Variants in SUGP1 observed in about 807,000 individuals in gnomAD.
SUGP1 encodes SURP and G-patch domain containing 1.
A neutral mutation model predicts 76.5 loss-of-function variants in SUGP1; 34 were observed. The observed-to-expected ratio is 0.44, with a 90% confidence interval of 0.34 to 0.59. The LOEUF (loss-of-function observed/expected upper bound fraction) is 0.59, where lower values mean the gene tolerates loss of function less well. Ranked by LOEUF, SUGP1 falls within the 20% of genes least tolerant of loss-of-function variation. The pLI is 0.01. For synonymous variants in SUGP1, 326 were observed against 326.2 expected, an observed-to-expected ratio of 1.00 and a Z score of 0.01; for missense variants, 752 against 851.7, an observed-to-expected ratio of 0.88 and a Z score of 1.46.
intron 1 of SUGP1, among the ~76,000 whole-genome samples, chr19:19,320,133 G>C (rs1056751796): frequency 2.0e-5 from 3 of 152,258 alleles, no homozygotes; most frequent in Admixed American, 2.0e-4. Flanking sequence ...ACGAAAAGAG[G>C]GGTGCAGGGA....
Position 19,303,733 on chromosome 19 carries a change from G to A in SUGP1, c.653C>T (p.Pro218Leu). 1 of 1,614,196 alleles carries A rather than the reference G, an allele frequency of 6.2e-7. No homozygotes were observed. Among genetic ancestry groups the A allele is most frequent in the Non-Finnish European group, 8.5e-7 (1 of 1,180,038 alleles). ...CCCCGGAGATACTCACGCAAATGCT[G>A]GGTTATCCTTGTAGTCCTCCATAGC... is the stretch of plus-strand genomic sequence containing the variant. Reference protein sequence around the residue: ...KVAMEDYKDNPAFAFLHDKNS... With the variant: ...KVAMEDYKDNLAFAFLHDKNS... The change falls in exon 5 of 14, where the codon CCA (proline) becomes CTA (leucine). Residue 218 changes from proline to leucine, a missense_variant. This residue lies in a region of SUGP1 where 620 missense variants were observed against 617.3 expected (regional missense o/e 1.00). Coordinates refer to ENST00000247001, the MANE Select transcript of SUGP1 (RefSeq NM_172231.4).
chr19:19,278,472 C>T (rs1302268847), intron 11 of SUGP1, among the ~76,000 whole-genome samples: 1 of 152,114 alleles, frequency 6.6e-6, no homozygotes, highest in Non-Finnish European at 1.5e-5. Flanking sequence ...TCCCCCGCAG[C>T]CCCAGGAAAT....
chr19:19,277,203 G>A (rs2146586988), intron 12 of SUGP1, 127 bp from the exon 13 acceptor site: 1 of 809,088 alleles, frequency 1.2e-6, no homozygotes, highest in Non-Finnish European at 1.7e-6. Flanking sequence ...TCTGCACAGA[G>A]AGAAGCTTGA....
chr19:19,276,759 C>G, intron 13 of SUGP1, 85 bp from the exon 14 acceptor site: 4 of 1,598,714 alleles, frequency 2.5e-6, no homozygotes, highest in Admixed American at 1.7e-5. Context: ...CCGGAGGCAG[C>G]TGAGCCCGCA....
At chr19:19,294,039 T>C (rs2061205957) in intron 8 of SUGP1, among the ~76,000 whole-genome samples, 1 of 151,584 alleles carries the variant, frequency 6.6e-6, no homozygotes, top group Admixed American at 6.6e-5. Flanking sequence ...ATGCAAAGAT[T>C]AGCCAGGCAT....
In SUGP1 at chr19:19,277,081, A is replaced by G. The variant is rs1449988327; in HGVS notation, c.1782-5T>C. On this transcript the variant is annotated splice_region_variant and splice_polypyrimidine_tract_variant and intron_variant, in intron 12 of 13. Transcript: ENST00000247001. ...CCGTCCACTGTGGTGGTGCCCCTAC[A>G]GGGAGAAGAGGATGTGAGCAGGGAC... 3.1e-6 allele frequency: 5 copies of G among 1,606,960 alleles called. No homozygotes were observed. The Admixed American group carries it at 8.4e-5, about 27-fold the overall frequency.
intron 1 of SUGP1, among the ~76,000 whole-genome samples, chr19:19,318,385 G>A (rs2061410857): frequency 6.6e-6 from 1 of 151,908 alleles, no homozygotes; most frequent in African/African-American, 2.4e-5. Flanking sequence ...CTCCCAAAGT[G>A]CTGGGATTAC....
intron 3 of SUGP1, among the ~76,000 whole-genome samples, chr19:19,307,460 A>C (rs2061325416): frequency 6.6e-6 from 1 of 152,190 alleles, no homozygotes; most frequent in Non-Finnish European, 1.5e-5. Flanking sequence ...AGACCTAAAA[A>C]AAATAACGTC....
intron 8 of SUGP1, among the ~76,000 whole-genome samples, chr19:19,296,158 CTTTT>C (rs1405626467): frequency 6.6e-6 from 1 of 151,836 alleles, no homozygotes; most frequent in Non-Finnish European, 1.5e-5. Flanking sequence ...CTCCATAAAA[CTTTT>C]TTTATTTTAA....
intron 8 of SUGP1, among the ~76,000 whole-genome samples, chr19:19,284,703 T>C (rs529720440): frequency 6.6e-6 from 1 of 152,276 alleles, no homozygotes; most frequent in East Asian, 1.9e-4. Context: ...AGCTGGAGAA[T>C]ATAATGGCAG....
In SUGP1 at chr19:19,279,319, C is replaced by A. The variant is rs144894916; in HGVS notation, c.1422G>T (p.Lys474Asn). ...AGCCGTGCTGGTGCTGTTGGACTGCCTTCTCCCACAGCAGCTGCATGTCCT... is the reference window on the plus strand; with the variant it reads ...AGCCGTGCTGGTGCTGTTGGACTGCATTCTCCCACAGCAGCTGCATGTCCT... ...AMQDMQLLWE[K>N]AVQQHQHGYD... The change falls in exon 10 of 14, where the codon AAG becomes AAT. Residue 474 changes from lysine (K) to asparagine (N), a missense_variant. Lys to Asn is a moderately conservative substitution (Grantham distance 94). Transcript: ENST00000247001. The A allele has an allele frequency of 2.5e-6, 4 of 1,611,092 alleles. No homozygotes were observed. In the African/African-American group the frequency reaches 5.3e-5, roughly 22 times the overall value.
intron 8 of SUGP1, among the ~76,000 whole-genome samples, chr19:19,296,439 G>A (rs2061225914): frequency 6.6e-6 from 1 of 152,108 alleles, no homozygotes; most frequent in African/African-American, 2.4e-5. Flanking sequence ...GAGGTCAGGA[G>A]ATAGAGACCA....
Position 19,279,336 on chromosome 19 carries a change from G to GC in SUGP1, c.1404dup (p.Gln469AlafsTer16). ...TGGACTGCCTTCTCCCACAGCAGCTGCATGTCCTGCATGGCCCGCTTGTGC... is the reference window on the plus strand; with the variant it reads ...TGGACTGCCTTCTCCCACAGCAGCTGCCATGTCCTGCATGGCCCGCTTGTGC... On this transcript the variant is annotated frameshift_variant, in exon 10 of 14. Transcript: ENST00000247001. LOFTEE classifies it high-confidence loss of function. 1 of 1,610,518 alleles carries GC rather than the reference G, an allele frequency of 6.2e-7. No homozygotes were observed. The highest frequency in any genetic ancestry group is 8.5e-7 in the Non-Finnish European group (1 of 1,179,750).
chr19:19,317,664 T>C (rs2061404486), intron 1 of SUGP1, among the ~76,000 whole-genome samples: 1 of 152,120 alleles, frequency 6.6e-6, no homozygotes, highest in Admixed American at 6.6e-5. Context: ...ATTACAGGCA[T>C]GCACCACCTC....
At chr19:19,292,969 C>T (rs1304349586) in intron 8 of SUGP1, among the ~76,000 whole-genome samples, 2 of 151,906 alleles carry the variant, frequency 1.3e-5, no homozygotes, top group African/African-American at 4.8e-5. Flanking sequence ...TGCAGTTGCT[C>T]AATCTCGGCT....
intron 8 of SUGP1, among the ~76,000 whole-genome samples, chr19:19,283,869 G>A (rs1244957419): frequency 6.6e-6 from 1 of 152,246 alleles, no homozygotes; most frequent in East Asian, 1.9e-4. Context: ...ACAGGCGTGA[G>A]CCACTGCACC....
intron 6 of SUGP1, 93 bp downstream of exon 6, chr19:19,303,255 C>T (rs1331206197): frequency 4.7e-6 from 5 of 1,066,556 alleles, no homozygotes; most frequent in East Asian, 4.8e-5. Flanking sequence ...CCACACAGTG[C>T]CACTCCAGCA....
intron 3 of SUGP1, among the ~76,000 whole-genome samples, chr19:19,307,031 T>C (rs1176552415): frequency 2.6e-5 from 4 of 151,348 alleles, no homozygotes; most frequent in African/African-American, 9.7e-5. Flanking sequence ...ATGCTGGCTC[T>C]GCACTTGGGG....
chr19:19,303,771 C>T lies in SUGP1; in HGVS notation c.615G>A (p.Glu205=), dbSNP rs758891698. ...AGTCCTCCATAGCTACTTTTTCTAA[C>T]TCGGGGCCTCCTTCTGCCACAAAGC... ...LARFVAEGGP[E]LEKVAMEDYK... is the part of the protein sequence containing the mutation. Residue 205 remains glutamate (E), a synonymous_variant, in exon 5 of 14, where the codon GAG becomes GAA. Transcript: ENST00000247001. 2.5e-6 allele frequency: 4 copies of T among 1,614,198 alleles called. No homozygotes were observed. The Admixed American group carries it at 6.7e-5, about 27-fold the overall frequency.
Sources: allele counts gnomAD v4.1 joint callset (sites outside exome capture counted in the v4.1 genomes callset), GRCh38; gene constraint gnomAD v4.1.1; regional missense constraint gnomAD v4.1.1; transcripts MANE v1.5; gene names NCBI Gene and HGNC (gene_info 2026-07-23, HGNC 2026-07-21).